KALRN: variants seen among roughly 807,000 people sequenced by gnomAD.
KALRN encodes the protein kalirin.
Under a neutral mutation model 353.7 loss-of-function variants are expected in KALRN, and 70 were observed. The ratio of observed to expected loss-of-function variants is 0.20; its 90% CI spans 0.16 to 0.24. The LOEUF is 0.24. KALRN is among the 10% of genes least tolerant of loss of function. The pLI is 1.00. For synonymous variants in KALRN, 1,391 were observed against 1,434.8 expected, an observed-to-expected ratio of 0.97 and a Z score of 0.69; for missense variants, 2,791 against 3,756.7, an observed-to-expected ratio of 0.74 and a Z score of 6.72.
At chr3:124,407,483 A>G (rs938470128) in intron 13 of KALRN, among the ~76,000 whole-genome samples, 1 of 152,186 alleles carries the variant, frequency 6.6e-6, no homozygotes, top group Non-Finnish European at 1.5e-5. Context: ...CTTGCCTTAC[A>G]GAGACCCTGC....
At chr3:124,255,102 C>T (rs1318579272) in intron 3 of KALRN, among the ~76,000 whole-genome samples, 2 of 152,136 alleles carry the variant, frequency 1.3e-5, no homozygotes, top group African/African-American at 4.8e-5. Flanking sequence ...CCTGCCACCA[C>T]ACCCAGCTAA....
chr3:124,267,333 G>GCA (rs1181018960), intron 4 of KALRN, among the ~76,000 whole-genome samples: 3 of 152,184 alleles, frequency 2.0e-5, no homozygotes, highest in Non-Finnish European at 4.4e-5. Flanking sequence ...TTTTGAAAAT[G>GCA]CAGATTCTGC....
At chr3:124,436,321 A>G (rs907310532) in intron 17 of KALRN, among the ~76,000 whole-genome samples, 1 of 151,134 alleles carries the variant, frequency 6.6e-6, no homozygotes, top group Non-Finnish European at 1.5e-5. Flanking sequence ...TTGTTAAAGT[A>G]TTTCTCATTT....
chr3:124,357,569 C>T (rs2083560996), intron 10 of KALRN, among the ~76,000 whole-genome samples: 1 of 152,184 alleles, frequency 6.6e-6, no homozygotes, highest in Non-Finnish European at 1.5e-5. Flanking sequence ...TCAATGCTGT[C>T]TCCTTAATCC....
At chr3:124,691,499 A>G (rs6795603) in intron 51 of KALRN, among the ~76,000 whole-genome samples, 24,830 of 152,216 alleles carry the variant, frequency 0.16, 2,447 homozygotes, top group Middle Eastern at 0.22. Context: ...AGCCCACATA[A>G]GAAAAGAAAG....
rs1559779794 is a variant in KALRN at position 124,655,682 on chromosome 3, C to G, written c.5862+15C>G. On this transcript the variant is annotated intron_variant, in intron 39 of 59. Coordinates refer to ENST00000682506, the MANE Select transcript of KALRN (RefSeq NM_001388419.1). Reference sequence around the variant, plus strand: ...TTGTGGTGGAGGTAAGTAGAGGGTTCCAGGTGGGTCTGTGGTCACCCAACC... The same window carrying G: ...TTGTGGTGGAGGTAAGTAGAGGGTTGCAGGTGGGTCTGTGGTCACCCAACC... 1 of 1,609,820 alleles carries G rather than the reference C, an allele frequency of 6.2e-7. No homozygotes were observed. The highest frequency in any genetic ancestry group is 8.5e-7 in the Non-Finnish European group (1 of 1,176,060).
intron 1 of KALRN, among the ~76,000 whole-genome samples, chr3:124,214,320 T>TA (rs905726610): frequency 2.0e-5 from 3 of 152,230 alleles, no homozygotes; most frequent in African/African-American, 7.2e-5. Flanking sequence ...ATTGAGTAGA[T>TA]ATGGTTTATT....
intron 1 of KALRN, among the ~76,000 whole-genome samples, chr3:124,058,090 G>A (rs928489184): frequency 1.3e-5 from 2 of 152,148 alleles, no homozygotes; most frequent in Non-Finnish European, 2.9e-5. Flanking sequence ...GATCTCGTGA[G>A]ACTCATTCGC....
intron 5 of KALRN, among the ~76,000 whole-genome samples, chr3:124,282,060 G>C (rs1271662151): frequency 1.3e-5 from 2 of 152,174 alleles, no homozygotes; most frequent in Non-Finnish European, 2.9e-5. Flanking sequence ...ACTAATCCAA[G>C]TGGGAACAGA....
chr3:124,446,273 G>T lies in KALRN; in HGVS notation c.3426G>T (p.Lys1142Asn). The change falls in exon 20 of 60, where the codon AAG becomes AAT. Residue 1142 changes from lysine (K) to asparagine (N), a missense_variant. By Grantham distance (94) the Lys-to-Asn change is moderately conservative (BLOSUM62 0). Around this residue, in one of 11 missense-constraint regions of KALRN, gnomAD observed 268 missense variants for 347.0 expected, o/e 0.77. Coordinates refer to ENST00000682506, the MANE Select transcript of KALRN (RefSeq NM_001388419.1). ...ATGTGGTGTTCGAGCGCAGCGCTAA[G>T]CAGGTTGTCCAAAGCTTTCCCTGGC... ...QQYVVFERSAKQALDWIQETG... is the reference protein window; with the variant it reads ...QQYVVFERSANQALDWIQETG... 2 of 1,611,274 alleles carry T rather than the reference G, an allele frequency of 1.2e-6. No individual in the cohort carries two copies. Among genetic ancestry groups the T allele is most frequent in the Non-Finnish European group, 1.7e-6 (2 of 1,177,688 alleles).
In KALRN at chr3:124,074,323, T is replaced by G. The variant is rs1158912371; in HGVS notation, c.73+40510T>G. On this transcript the variant is annotated intron_variant, in intron 1 of 59. Transcript: ENST00000682506. ...CTGAATTTCTAAAGCTGGAGTTCCA[T>G]GCATTGAATGGGCACTGTCATGAAG... 5.3e-5 allele frequency among the ~76,000 whole-genome samples: 8 copies of G among 152,346 alleles called. No individual in the cohort carries two copies. The East Asian group carries it at 1.5e-3, about 29-fold the overall frequency.
chr3:124,319,897 G>A (rs2149362011), intron 6 of KALRN, among the ~76,000 whole-genome samples: 1 of 152,134 alleles, frequency 6.6e-6, no homozygotes, highest in South Asian at 2.1e-4. Flanking sequence ...AGGAGGCTGA[G>A]GCAGGAGAAT....
At chr3:124,524,903 G>A (rs1482098893) in intron 33 of KALRN, among the ~76,000 whole-genome samples, 1 of 152,214 alleles carries the variant, frequency 6.6e-6, no homozygotes, top group Non-Finnish European at 1.5e-5. Flanking sequence ...TTTGTGTGGA[G>A]CTACCTGAAG....
chr3:124,183,206 TTTAA>T (rs1294014209), intron 1 of KALRN, among the ~76,000 whole-genome samples: 26 of 152,220 alleles, frequency 1.7e-4, no homozygotes, highest in African/African-American at 6.3e-4. Flanking sequence ...ATTGCTATAA[TTTAA>T]TTAATTACTG....
At chr3:124,091,292 C>T (rs1346682162) in intron 1 of KALRN, among the ~76,000 whole-genome samples, 1 of 152,138 alleles carries the variant, frequency 6.6e-6, no homozygotes, top group Non-Finnish European at 1.5e-5. Flanking sequence ...CTTTGGTTTG[C>T]AGATACCAGC....
intron 33 of KALRN, among the ~76,000 whole-genome samples, chr3:124,517,607 T>C (rs895763403): frequency 2.0e-5 from 3 of 152,192 alleles, no homozygotes; most frequent in Admixed American, 6.5e-5. Context: ...TTGCTTCAGA[T>C]GGCCCAGTAG....
intron 34 of KALRN, among the ~76,000 whole-genome samples, chr3:124,614,357 C>T (rs1367813879): frequency 1.3e-5 from 2 of 151,754 alleles, no homozygotes; most frequent in Non-Finnish European, 2.9e-5. Context: ...CAGCCTCGAC[C>T]TTCCGGGCTC....
chr3:124,268,709 A>C, intron 4 of KALRN, 34 bp from the exon 5 acceptor site: 1 of 1,606,230 alleles, frequency 6.2e-7, no homozygotes, highest in Non-Finnish European at 8.5e-7. Context: ...CCCTGACATC[A>C]CTGAGTATCC....
chr3:124,668,813 C>A (rs2086002241), intron 47 of KALRN, among the ~76,000 whole-genome samples: 1 of 152,114 alleles, frequency 6.6e-6, no homozygotes, highest in Non-Finnish European at 1.5e-5. Flanking sequence ...TTCAAATGAA[C>A]ACTTTTGTTG....
Sources: gnomAD v4.1 joint callset for allele counts (sites outside exome capture counted in the v4.1 genomes callset) on GRCh38, gnomAD v4.1.1 for gene constraint, gnomAD v4.1.1 regional missense constraint, MANE v1.5 for transcripts, NCBI Gene and HGNC (gene_info 2026-07-23, HGNC 2026-07-21) for gene names.